Variants in MMP1 observed in about 807,000 individuals in gnomAD.
The protein encoded by MMP1 is interstitial collagenase.
MMP1 carries 51 observed loss-of-function variants against 49.6 expected under a neutral mutation model. The ratio of observed to expected loss-of-function variants is 1.03; its 90% CI spans 0.82 to 1.30. MMP1 has a LOEUF of 1.30. Among genes scored for constraint, MMP1 ranks in the 50% most tolerant of loss-of-function variants. The pLI, the probability that MMP1 is intolerant of heterozygous loss-of-function variation, is 0.00. For synonymous variants in MMP1, 230 were observed against 196.8 expected, an observed-to-expected ratio of 1.17 and a Z score of -1.41; for missense variants, 623 against 568.7, an observed-to-expected ratio of 1.10 and a Z score of -0.97.
Position 102,795,182 on chromosome 11 carries a change from A to G in MMP1, c.891T>C (p.Phe297=). ...AAGAACTGACATCTTACCTGTCTTT[A>G]AAGAACATCACTTCTCCCCGAATCG... is the stretch of plus-strand genomic sequence containing the variant. ...ITTIRGEVMF[F]KDRFYMRTNP... Residue 297 remains phenylalanine (F), a synonymous_variant, in exon 6 of 10, where the codon TTT becomes TTC. Coordinates refer to ENST00000315274, the MANE Select transcript of MMP1 (RefSeq NM_002421.4). 3.1e-6 allele frequency: 5 copies of G among 1,611,260 alleles called. 1 individual carries two copies. The South Asian group carries it at 5.5e-5, about 18-fold the overall frequency.
At chr11:102,795,080 G>T in intron 6 of MMP1, 94 bp downstream of exon 6, 1 of 1,016,174 alleles carries the variant, frequency 9.8e-7, no homozygotes, top group Non-Finnish European at 1.5e-6. Flanking sequence ...AAATCAGCAT[G>T]AAATAAGTAA....
At chr11:102,795,682 T>A in intron 4 of MMP1, 75 bp from the exon 5 acceptor site, 1 of 1,250,768 alleles carries the variant, frequency 8.0e-7, no homozygotes. Flanking sequence ...AATAAATAAT[T>A]TACAACTACA....
At chr11:102,796,096 G>A (rs17883374) in intron 4 of MMP1, among the ~76,000 whole-genome samples, 13 of 152,104 alleles carry the variant, frequency 8.5e-5, no homozygotes, top group Non-Finnish European at 1.6e-4. Flanking sequence ...GATTACAGAC[G>A]TGTGCCACCA....
rs1166730913 is a variant in MMP1, at chr11:102,794,070, G to C, written c.899+1104C>G. Among the ~76,000 whole-genome samples the C allele has an allele frequency of 6.6e-6, 1 of 152,112 alleles. No individual in the cohort carries two copies. Among genetic ancestry groups the C allele is most frequent in the African/African-American group, 2.4e-5 (1 of 41,410 alleles). On this transcript the variant is annotated intron_variant, in intron 6 of 9. Coordinates refer to ENST00000315274, the MANE Select transcript of MMP1 (RefSeq NM_002421.4). The surrounding 1 kb of genome is among the most constrained non-coding windows in gnomAD (Gnocchi z 4.3). ...GTCCTGTTCCATCTAGTAATATTTG[G>C]TTTGATAGGTGTGTCCTGTTGTACT...
At position 102,796,745 on chromosome 11, in the gene MMP1, C is replaced by T. The variant is rs1423621991; in HGVS notation, c.544G>A (p.Ala182Thr). Reference sequence around the variant, plus strand: ...CCTGGGCCTGGTTGAAAAGCATGAGCAAGATTTCCTCCAGGTCCATCAAAA... The same window carrying T: ...CCTGGGCCTGGTTGAAAAGCATGAGTAAGATTTCCTCCAGGTCCATCAAAA... ...SPFDGPGGNL[A>T]HAFQPGPGIG... The change falls in exon 4 of 10, where the codon GCT (alanine) becomes ACT (threonine). Residue 182 changes from alanine to threonine, a missense_variant. By Grantham distance (58) the Ala-to-Thr change is moderately conservative. Transcript: ENST00000315274. The T allele has an allele frequency of 1.2e-5, 20 of 1,613,828 alleles. No individual in the cohort carries two copies. The highest frequency in any genetic ancestry group is 1.5e-5 in the Non-Finnish European group (18 of 1,179,932).
At chr11:102,791,143 C>T (rs1296034047) in intron 8 of MMP1, among the ~76,000 whole-genome samples, 190 bp downstream of exon 8, 1 of 152,210 alleles carries the variant, frequency 6.6e-6, no homozygotes, top group Non-Finnish European at 1.5e-5. Flanking sequence ...CCTACATTCT[C>T]TGGATTCCCA....
chr11:102,796,604 A>C (rs1858197626), intron 4 of MMP1, 60 bp downstream of exon 4: 1 of 1,569,112 alleles, frequency 6.4e-7, no homozygotes, highest in African/African-American at 1.4e-5. Context: ...AAATCAACCA[A>C]TATTACAATG....
chr11:102,791,662 A>G (rs1250728090), intron 7 of MMP1, among the ~76,000 whole-genome samples, 167 bp from the exon 8 acceptor site: 1 of 152,200 alleles, frequency 6.6e-6, no homozygotes, highest in Admixed American at 6.5e-5. Flanking sequence ...CCTATCCCAG[A>G]CCAATTAAAT....
chr11:102,797,943 C>G (rs375609549), intron 1 of MMP1, 45 bp downstream of exon 1: 2 of 1,420,432 alleles, frequency 1.4e-6, no homozygotes, highest in African/African-American at 2.9e-5. Context: ...CAGAAAAATA[C>G]AAACTAAAAA....
At chr11:102,793,020 A>G (rs894094947) in intron 6 of MMP1, 3 of 230,670 alleles carry the variant, frequency 1.3e-5, no homozygotes, top group Non-Finnish European at 2.5e-5. Context: ...AGAAAAATGC[A>G]GTAAAAATTA....
intron 1 of MMP1, among the ~76,000 whole-genome samples, 176 bp from the exon 2 acceptor site, chr11:102,797,676 C>G (rs191669096): frequency 6.6e-6 from 1 of 152,052 alleles, no homozygotes; most frequent in African/African-American, 2.4e-5. Flanking sequence ...TAGAAATGTC[C>G]CTACTATTAG....
rs1003777678 is a variant in MMP1, at chr11:102,790,498, T to C, written c.1324A>G (p.Thr442Ala). 6.2e-7 allele frequency: 1 copy of C among 1,604,330 alleles called. No homozygotes were observed. Among genetic ancestry groups the C allele is most frequent in the Non-Finnish European group, 8.5e-7 (1 of 1,174,158 alleles). The change falls in exon 10 of 10, where the codon ACA (threonine) becomes GCA (alanine). Residue 442 changes from threonine to alanine, a missense_variant. Transcript: ENST00000315274. ...KDGFFYFFHGTRQYKFDPKTK... is the reference protein window; with the variant it reads ...KDGFFYFFHGARQYKFDPKTK... ...TTAGGATCAAATTTGTATTGTCTTG[T>C]TCCATGAAAGAAATAGAAAAATCCT...
At position 102,796,664 on chromosome 11, in the gene MMP1, CT is replaced by C. The variant is rs1858199283; in HGVS notation, c.624del (p.Glu209SerfsTer27). The C allele has an allele frequency of 1.2e-6, 2 of 1,612,770 alleles. No individual in the cohort carries two copies. Among genetic ancestry groups the C allele is most frequent in the African/African-American group, 2.7e-5 (2 of 74,882 alleles). On this transcript the variant is annotated frameshift_variant and splice_region_variant, in exon 4 of 10. Transcript: ENST00000315274. LOFTEE classifies it high-confidence loss of function. ...AGAGAGGCAAATTTGATTGGCTTAC[CT>C]CTGAAATTGTTGGTCCACCTTTCAT... ...DEDERWTNNF[R>X]EYNLHRVAAH...
intron 4 of MMP1, among the ~76,000 whole-genome samples, chr11:102,796,108 G>A (rs1858181474): frequency 6.6e-6 from 1 of 152,086 alleles, no homozygotes; most frequent in Non-Finnish European, 1.5e-5. Context: ...GTGCCACCAT[G>A]CCTGTCTAAT....
intron 1 of MMP1, 89 bp from the exon 2 acceptor site, chr11:102,797,589 G>C: frequency 6.7e-7 from 1 of 1,497,546 alleles, no homozygotes; most frequent in African/African-American, 1.4e-5. Flanking sequence ...CCAAAACAGA[G>C]AACTGCTTTT....
Position 102,797,283 on chromosome 11 carries a change from C to A in MMP1, c.323G>T (p.Arg108Leu), listed in dbSNP as rs201865180. The change falls in exon 2 of 10, where the codon CGC becomes CTC. Residue 108 changes from arginine to leucine, a missense_variant. Physicochemically the swap from Arg to Leu is moderately radical, Grantham distance 102 (BLOSUM62 -2). Transcript: ENST00000315274. ...GTAGGTCAGATGTGTTTGCTCCCAGCGAGGGTTCCCCTCAGTGAGGACAAA... is the reference window on the plus strand; with the variant it reads ...GTAGGTCAGATGTGTTTGCTCCCAGAGAGGGTTCCCCTCAGTGAGGACAAA... ...AQFVLTEGNP[R>L]WEQTHLTYRI... 1 of 1,614,174 alleles carries A rather than the reference C, an allele frequency of 6.2e-7. No individual in the cohort carries two copies. The highest frequency in any genetic ancestry group is 8.5e-7 in the Non-Finnish European group (1 of 1,180,028).
At chr11:102,797,646 TG>T in intron 1 of MMP1, 146 bp from the exon 2 acceptor site, 1 of 1,099,332 alleles carries the variant, frequency 9.1e-7, no homozygotes, top group Non-Finnish European at 1.3e-6. Context: ...TTATTTTTGG[TG>T]AGAAATGAAA....
chr11:102,794,888 A>T lies in MMP1; in HGVS notation c.899+286T>A, dbSNP rs953618064. On this transcript the variant is annotated intron_variant, in intron 6 of 9. Coordinates refer to ENST00000315274, the MANE Select transcript of MMP1 (RefSeq NM_002421.4). This position sits in a 1 kb window ranked among gnomAD's most constrained non-coding sequence, Gnocchi z 4.3. ...CCAATGAGCTCTATGCCCCCAAAAG[A>T]TCTCTTTCCTTCTCTCTGACTTACT... Among the ~76,000 whole-genome samples, 3 of 152,192 alleles carry T rather than the reference A, an allele frequency of 2.0e-5. No individual in the cohort carries two copies. Among genetic ancestry groups the T allele is most frequent in the African/African-American group, 7.2e-5 (3 of 41,450 alleles).
At chr11:102,793,114 T>A (rs1442902562) in intron 6 of MMP1, 1 of 152,912 alleles carries the variant, frequency 6.5e-6, no homozygotes, top group Non-Finnish European at 1.5e-5. Context: ...AAGTTTTATC[T>A]CTTTTTTATT....
Sources: gnomAD v4.1 joint callset for allele counts (sites outside exome capture counted in the v4.1 genomes callset) on GRCh38, gnomAD v4.1.1 for gene constraint, Gnocchi (gnomAD v3.1) non-coding constraint, MANE v1.5 for transcripts, NCBI Gene and HGNC (gene_info 2026-07-23, HGNC 2026-07-21) for gene names.